PARN: variants seen among roughly 807,000 people sequenced by gnomAD.
PARN encodes the protein poly(A)-specific ribonuclease PARN.
PARN carries 71 observed loss-of-function variants against 102.8 expected under a neutral mutation model. That is an observed-to-expected ratio of 0.69 (90% CI 0.57 to 0.84). The LOEUF (loss-of-function observed/expected upper bound fraction) is 0.84. Ranked by LOEUF, PARN falls within the 40% of genes least tolerant of loss-of-function variation. The pLI is 0.00. For missense variants in PARN, 782 were observed against 760.9 expected, an observed-to-expected ratio of 1.03 and a Z score of -0.33; for synonymous variants, 261 against 252.9, an observed-to-expected ratio of 1.03 and a Z score of -0.30.
At chr16:14,522,812 T>G (rs934065771) in intron 21 of PARN, among the ~76,000 whole-genome samples, 1 of 151,884 alleles carries the variant, frequency 6.6e-6, no homozygotes, top group African/African-American at 2.4e-5. Flanking sequence ...TGGCCTGGGG[T>G]GGGGAGAGAA....
chr16:14,455,941 G>A (rs1244883853), intron 22 of PARN, among the ~76,000 whole-genome samples: 1 of 152,034 alleles, frequency 6.6e-6, no homozygotes, highest in Non-Finnish European at 1.5e-5. Flanking sequence ...TTTAGTTCTC[G>A]CAGAATATTT....
rs371669273 is a variant in PARN at position 14,606,554 on chromosome 16, T to C, written c.660-28A>G. ...AAAGAAAAGAAAAACATAGTATCAG[T>C]AGATGAGTCAATGACAGCTAAATCC... On this transcript the variant is annotated intron_variant, in intron 9 of 23. Transcript: ENST00000437198. 2.8e-5 allele frequency: 38 copies of C among 1,351,790 alleles called. No homozygotes were observed. The African/African-American group carries it at 4.8e-4, about 17-fold the overall frequency. 83.7% of individuals were successfully genotyped at this position (1,351,790 alleles called of 1,614,324 possible).
intron 5 of PARN, among the ~76,000 whole-genome samples, chr16:14,622,269 T>C (rs1172791247): frequency 6.6e-6 from 1 of 152,162 alleles, no homozygotes; most frequent in Non-Finnish European, 1.5e-5. Context: ...AAACTTTAAA[T>C]GCATATATCC....
In PARN at chr16:14,597,575, T is replaced by C. The variant is rs568064555; in HGVS notation, c.840+2329A>G. Among the ~76,000 whole-genome samples the C allele has an allele frequency of 1.5e-4, 23 of 152,028 alleles. 1 individual carries two copies. The highest frequency in any genetic ancestry group is 6.8e-3 in the Middle Eastern group (2 of 294). ...AGCCTGGTGTGGTGGCAGGCGCCTG[T>C]AGTCCCAGCTACTCAGGAGGCTGAG... On this transcript the variant is annotated intron_variant, in intron 12 of 23. Transcript: ENST00000437198.
At chr16:14,540,569 T>C (rs1170412573) in intron 21 of PARN, among the ~76,000 whole-genome samples, 3 of 152,146 alleles carry the variant, frequency 2.0e-5, no homozygotes, top group Non-Finnish European at 4.4e-5. Flanking sequence ...TACATTAGAT[T>C]TTCTGAAAAT....
chr16:14,545,691 G>A (rs1966891937), intron 21 of PARN, among the ~76,000 whole-genome samples: 1 of 152,198 alleles, frequency 6.6e-6, no homozygotes, highest in Non-Finnish European at 1.5e-5. Flanking sequence ...GGGCAGACTT[G>A]TAAGCTGCCG....
Position 14,482,767 on chromosome 16 carries a change from C to T in PARN, c.1541G>A (p.Gly514Glu). The change falls in exon 22 of 24, where the codon GGG (glycine) becomes GAG (glutamate). Residue 514 changes from glycine (G) to glutamate (E), a missense_variant. Physicochemically the swap from Gly to Glu is moderately conservative, Grantham distance 98 (BLOSUM62 -2). Transcript: ENST00000437198. ...YRIQTYAEYM[G>E]RKQEEKQIKR... Reference sequence around the variant, plus strand: ...GATCTGCTTCTCTTCCTGTTTTCTCCCCATATATTCAGCATAGGTTTGGAT... The same window carrying T: ...GATCTGCTTCTCTTCCTGTTTTCTCTCCATATATTCAGCATAGGTTTGGAT... 6.2e-7 allele frequency: 1 copy of T among 1,613,804 alleles called. No homozygotes were observed. The highest frequency in any genetic ancestry group is 8.5e-7 in the Non-Finnish European group (1 of 1,179,782).
chr16:14,471,195 T>C (rs892561522), intron 22 of PARN, among the ~76,000 whole-genome samples: 9 of 152,206 alleles, frequency 5.9e-5, no homozygotes, highest in Non-Finnish European at 1.3e-4. Flanking sequence ...GACCTTCATC[T>C]AAAAATCAAT....
chr16:14,500,708 CT>C (rs1424567133), intron 21 of PARN, among the ~76,000 whole-genome samples: 1 of 152,152 alleles, frequency 6.6e-6, no homozygotes, highest in Non-Finnish European at 1.5e-5. Context: ...AATAAATTTG[CT>C]TCTACTGCCT....
At chr16:14,437,495 A>T (rs780159140) in intron 23 of PARN, among the ~76,000 whole-genome samples, 16 of 152,094 alleles carry the variant, frequency 1.1e-4, no homozygotes, top group Non-Finnish European at 2.4e-4. Flanking sequence ...ACAAAGTTTC[A>T]CCCCAATGTC....
At chr16:14,627,786 G>A (rs1265188456) in intron 3 of PARN, among the ~76,000 whole-genome samples, 2 of 152,100 alleles carry the variant, frequency 1.3e-5, no homozygotes, top group Non-Finnish European at 2.9e-5. Flanking sequence ...CCAGAAGTTC[G>A]AGACCAGCCT....
intron 21 of PARN, among the ~76,000 whole-genome samples, chr16:14,547,430 G>A (rs1967023004): frequency 6.6e-6 from 1 of 152,128 alleles, no homozygotes; most frequent in Non-Finnish European, 1.5e-5. Flanking sequence ...AAATAGCCAG[G>A]CACAGTGGCT....
intron 21 of PARN, among the ~76,000 whole-genome samples, chr16:14,529,749 C>T (rs1339628479): frequency 1.3e-5 from 2 of 152,150 alleles, no homozygotes; most frequent in African/African-American, 2.4e-5. Flanking sequence ...CTAACGAGGA[C>T]TATCATCCTC....
chr16:14,553,215 C>T (rs1432122427), intron 20 of PARN, among the ~76,000 whole-genome samples: 1 of 135,294 alleles, frequency 7.4e-6, no homozygotes, highest in East Asian at 2.2e-4. Context: ...CCCAGGAGTT[C>T]GAGGCCAGCC....
chr16:14,616,385 C>T (rs755158413), intron 6 of PARN, among the ~76,000 whole-genome samples: 2 of 152,234 alleles, frequency 1.3e-5, no homozygotes, highest in Non-Finnish European at 2.9e-5. Context: ...TAGCCATTAT[C>T]AATCGTGCAG....
intron 18 of PARN, among the ~76,000 whole-genome samples, chr16:14,560,760 C>T (rs1006172889): frequency 9.9e-5 from 15 of 152,232 alleles, no homozygotes; most frequent in African/African-American, 3.1e-4. Context: ...ACACAGCATA[C>T]GCTACACAAT....
Position 14,537,775 on chromosome 16 carries a change from A to C in PARN, c.1480+14246T>G, listed in dbSNP as rs1966673454. ...TAATTGGGAGTATTAAAGGCGCGGA[A>C]GGGTAGAGGGAAGAGGAGGATAGAG... On this transcript the variant is annotated intron_variant, in intron 21 of 23. Coordinates refer to ENST00000437198, the MANE Select transcript of PARN (RefSeq NM_002582.4). Among the ~76,000 whole-genome samples the C allele has an allele frequency of 2.0e-5, 3 of 152,272 alleles. No homozygotes were observed. The East Asian group carries it at 5.8e-4, about 29-fold the overall frequency.
chr16:14,622,272 A>G (rs1972356773), intron 5 of PARN, among the ~76,000 whole-genome samples: 1 of 152,214 alleles, frequency 6.6e-6, no homozygotes, highest in African/African-American at 2.4e-5. Flanking sequence ...CTTTAAATGC[A>G]TATATCCTAT....
At chr16:14,627,464 G>C (rs910349010) in intron 3 of PARN, 128 bp from the exon 4 acceptor site, 1 of 653,420 alleles carries the variant, frequency 1.5e-6, no homozygotes, top group Non-Finnish European at 2.7e-6. Context: ...AATTAGAACA[G>C]ATTACACATA....
Sources: allele counts gnomAD v4.1 joint callset (sites outside exome capture counted in the v4.1 genomes callset), GRCh38; gene constraint gnomAD v4.1.1; transcripts MANE v1.5; gene names NCBI Gene and HGNC (gene_info 2026-07-23, HGNC 2026-07-21).